Variants in ZBTB16 observed in about 807,000 individuals in gnomAD.
The protein encoded by ZBTB16 is zinc finger and BTB domain containing 16, also known as zinc finger and BTB domain-containing protein 16.
A neutral mutation model predicts 56.8 loss-of-function variants in ZBTB16; 8 were observed. The observed-to-expected ratio is 0.14, with a 90% CI of 0.08 to 0.25. ZBTB16 has a LOEUF of 0.25. Ranked by LOEUF, ZBTB16 falls within the 10% of genes least tolerant of loss-of-function variation. The probability of loss-of-function intolerance (pLI) is 1.00; values close to 1 mark genes in which losing one functional copy is unlikely to be tolerated. For synonymous variants in ZBTB16, 363 were observed against 368.5 expected, an observed-to-expected ratio of 0.98 and a Z score of 0.17; for missense variants, 625 against 903.0, an observed-to-expected ratio of 0.69 and a Z score of 3.95.
intron 2 of ZBTB16, among the ~76,000 whole-genome samples, chr11:114,114,088 C>T (rs1241261544): frequency 6.6e-6 from 1 of 152,220 alleles, no homozygotes; most frequent in African/African-American, 2.4e-5. Context: ...AGTGCTGTTT[C>T]TATCTCCATG....
At chr11:114,236,429 A>G (rs1944591499) in intron 4 of ZBTB16, among the ~76,000 whole-genome samples, 1 of 152,190 alleles carries the variant, frequency 6.6e-6, no homozygotes, top group African/African-American at 2.4e-5. Context: ...TAATATGGCA[A>G]AACTGATCCT....
chr11:114,162,367 G>A (rs1002822055), intron 3 of ZBTB16, among the ~76,000 whole-genome samples: 1 of 152,238 alleles, frequency 6.6e-6, no homozygotes, highest in African/African-American at 2.4e-5. Context: ...GAAGATGGGG[G>A]AAGAGAGGTA....
intron 1 of ZBTB16, among the ~76,000 whole-genome samples, chr11:114,062,184 A>G (rs1035632880): frequency 6.6e-6 from 1 of 150,666 alleles, no homozygotes; most frequent in African/African-American, 2.4e-5. Flanking sequence ...GCTCACGGCA[A>G]CCTCCGCCTC....
intron 2 of ZBTB16, among the ~76,000 whole-genome samples, chr11:114,070,453 C>A (rs1345822625): frequency 6.6e-6 from 1 of 152,206 alleles, no homozygotes; most frequent in Non-Finnish European, 1.5e-5. Context: ...GTTGAAGCAC[C>A]TGAAGGTTTT....
intron 4 of ZBTB16, among the ~76,000 whole-genome samples, chr11:114,198,181 A>G (rs763820028): frequency 1.9e-4 from 29 of 152,184 alleles, no homozygotes; most frequent in Non-Finnish European, 3.5e-4. Flanking sequence ...TTTTATAAAT[A>G]TCAGAGGTGA....
chr11:114,205,543 G>T (rs1170010528), intron 4 of ZBTB16, among the ~76,000 whole-genome samples: 1 of 152,162 alleles, frequency 6.6e-6, no homozygotes, highest in Non-Finnish European at 1.5e-5. Context: ...AAATGACTTT[G>T]TCTCTTAAGT....
chr11:114,122,781 A>G (rs569125883), intron 2 of ZBTB16, among the ~76,000 whole-genome samples: 19 of 152,280 alleles, frequency 1.2e-4, no homozygotes, highest in African/African-American at 4.6e-4. Flanking sequence ...GTGTATCCCA[A>G]ATTCTAGAAA....
intron 2 of ZBTB16, among the ~76,000 whole-genome samples, chr11:114,097,578 AT>A (rs1308988389): frequency 2.0e-5 from 3 of 152,138 alleles, no homozygotes; most frequent in East Asian, 3.9e-4. Context: ...CCTCTGCTAA[AT>A]TTTTTTTAAA....
chr11:114,157,819 ATC>A (rs774946694), intron 3 of ZBTB16, among the ~76,000 whole-genome samples: 46 of 152,084 alleles, frequency 3.0e-4, no homozygotes, highest in Non-Finnish European at 5.4e-4. Flanking sequence ...GCTGGCAGCT[ATC>A]TCTCTCAGCG....
At chr11:114,206,347 C>T (rs1453031335) in intron 4 of ZBTB16, among the ~76,000 whole-genome samples, 1 of 152,190 alleles carries the variant, frequency 6.6e-6, no homozygotes, top group African/African-American at 2.4e-5. Context: ...ACACAGCAGG[C>T]TAGAGAGAGA....
chr11:114,212,359 C>A (rs1174468405), intron 4 of ZBTB16, among the ~76,000 whole-genome samples: 1 of 152,116 alleles, frequency 6.6e-6, no homozygotes, highest in East Asian at 1.9e-4. Flanking sequence ...GCCTCTCCCC[C>A]TCCCCCAGGC....
intron 3 of ZBTB16, among the ~76,000 whole-genome samples, chr11:114,158,357 T>TA (rs1444671237): frequency 6.6e-6 from 1 of 152,220 alleles, no homozygotes; most frequent in East Asian, 1.9e-4. Flanking sequence ...TGGTTTGCTT[T>TA]ATGGGCTTGT....
chr11:114,167,944 G>T (rs1394408355), intron 3 of ZBTB16, among the ~76,000 whole-genome samples: 1 of 152,108 alleles, frequency 6.6e-6, no homozygotes, highest in African/African-American at 2.4e-5. Flanking sequence ...AAAGTCAGCC[G>T]ACTCAGCCCT....
intron 5 of ZBTB16, among the ~76,000 whole-genome samples, chr11:114,244,820 G>A (rs374456032): frequency 2.6e-5 from 4 of 152,078 alleles, no homozygotes; most frequent in Non-Finnish European, 4.4e-5. Flanking sequence ...GACCCCTCTG[G>A]AGGGGAAAGG....
chr11:114,160,466 G>A (rs1339595385), intron 3 of ZBTB16, among the ~76,000 whole-genome samples: 1 of 152,116 alleles, frequency 6.6e-6, no homozygotes, highest in Non-Finnish European at 1.5e-5. Flanking sequence ...CGCGAAATCA[G>A]CCTGCAGGAG....
intron 5 of ZBTB16, among the ~76,000 whole-genome samples, chr11:114,245,875 AAATTGT>A (rs1944805133): frequency 6.6e-6 from 1 of 152,166 alleles, no homozygotes; most frequent in Non-Finnish European, 1.5e-5. Flanking sequence ...CAGCCCAGAG[AAATTGT>A]AATTACAGTG....
chr11:114,187,255 G>A, intron 4 of ZBTB16: 1 of 648,314 alleles, frequency 1.5e-6, no homozygotes, highest in South Asian at 1.7e-5. Context: ...CCATGAGAAT[G>A]GCTGTCCTAG....
At chr11:114,091,289 A>G (rs1150238) in intron 2 of ZBTB16, among the ~76,000 whole-genome samples, 68,695 of 152,122 alleles carry the variant, frequency 0.45, 19,366 homozygotes, top group Non-Finnish European at 0.63. Flanking sequence ...TGGAGACTGC[A>G]GTGAGGCGAG....
In ZBTB16 at chr11:114,143,824, A is replaced by C. The variant is rs1385796752; in HGVS notation, c.1269-12513A>C. ...TCTCTTCATTCTGTTTCAAGATTAC[A>C]TAGCATGCAGTATGTTGTTGGGTAT... On this transcript the variant is annotated intron_variant, in intron 2 of 6. Coordinates refer to ENST00000335953, the MANE Select transcript of ZBTB16 (RefSeq NM_006006.6). The surrounding 1 kb of genome is among the most constrained non-coding windows in gnomAD (Gnocchi z 6.4). Among the ~76,000 whole-genome samples, 1 of 152,208 alleles carries C rather than the reference A, an allele frequency of 6.6e-6. No homozygotes were observed. Among genetic ancestry groups the C allele is most frequent in the Non-Finnish European group, 1.5e-5 (1 of 68,040 alleles).
Sources: allele counts gnomAD v4.1 joint callset (sites outside exome capture counted in the v4.1 genomes callset), GRCh38; gene constraint gnomAD v4.1.1; non-coding constraint Gnocchi (gnomAD v3.1); transcripts MANE v1.5; gene names NCBI Gene and HGNC (gene_info 2026-07-23, HGNC 2026-07-21).